DLGAP4: variants seen among roughly 807,000 people sequenced by gnomAD.
DLGAP4 encodes disks large-associated protein 4.
DLGAP4 carries 18 observed loss-of-function variants against 86.9 expected under a neutral mutation model. The observed-to-expected ratio is 0.21, with a 90% confidence interval of 0.14 to 0.31. The LOEUF (loss-of-function observed/expected upper bound fraction) is 0.31, where lower values mean the gene tolerates loss of function less well. Among genes scored for constraint, DLGAP4 ranks in the 10% least tolerant of loss-of-function variants. The pLI, the probability that DLGAP4 is intolerant of heterozygous loss-of-function variation, is 1.00. For synonymous variants in DLGAP4, 548 were observed against 574.3 expected, an observed-to-expected ratio of 0.95 and a Z score of 0.65; for missense variants, 1,085 against 1,362.6, an observed-to-expected ratio of 0.80 and a Z score of 3.21.
rs1355833263 is a variant in DLGAP4, at chr20:36,446,888, C to T, written c.1599C>T (p.Leu533=). ...QEEDSVSLQS[L]SPPPSTGSLS... ...AGGACAGTGTCTCCCTGCAGTCCCT[C>T]TCCCCACCGCCCAGTACCGGCAGCC... Residue 533 remains leucine, a synonymous_variant, in exon 7 of 13, where the codon CTC becomes CTT. Transcript: ENST00000339266. 4 of 1,613,142 alleles carry T rather than the reference C, an allele frequency of 2.5e-6. No homozygotes were observed. Among genetic ancestry groups the T allele is most frequent in the Admixed American group, 3.3e-5 (2 of 59,990 alleles).
At chr20:36,475,852 A>T (rs2034887607) in intron 7 of DLGAP4, among the ~76,000 whole-genome samples, 1 of 152,042 alleles carries the variant, frequency 6.6e-6, no homozygotes, top group Non-Finnish European at 1.5e-5. Flanking sequence ...CTTAATGACC[A>T]TCTTAACCTT....
intron 10 of DLGAP4, among the ~76,000 whole-genome samples, chr20:36,509,323 C>A (rs918722644): frequency 2.6e-5 from 4 of 152,116 alleles, no homozygotes; most frequent in African/African-American, 9.7e-5. Context: ...ATAATCCCAG[C>A]ACTTTGGGAG....
At chr20:36,410,662 C>T (rs568974722) in intron 2 of DLGAP4, among the ~76,000 whole-genome samples, 28 of 152,134 alleles carry the variant, frequency 1.8e-4, no homozygotes, top group African/African-American at 6.5e-4. Context: ...AGGGGAGGTG[C>T]CACACCCTTT....
chr20:36,331,534 T>G (rs889654457), intron 1 of DLGAP4, among the ~76,000 whole-genome samples: 1 of 152,226 alleles, frequency 6.6e-6, no homozygotes, highest in Admixed American at 6.5e-5. Flanking sequence ...AGCCTCAGCC[T>G]GGACTCACTC....
intron 2 of DLGAP4, among the ~76,000 whole-genome samples, chr20:36,371,460 C>T (rs764160165): frequency 3.3e-5 from 5 of 152,212 alleles, no homozygotes; most frequent in African/African-American, 1.2e-4. Flanking sequence ...GAAGATGAAC[C>T]GGTAGGAGAC....
In DLGAP4 at chr20:36,311,430, A is replaced by G. The variant is rs1338348243; in HGVS notation, c.-304+4918A>G. On this transcript the variant is annotated intron_variant, in intron 1 of 12. Transcript: ENST00000339266. ...CTGACGTGGCCTTTTCAAAAACCCA[A>G]AATGAATGGAAGCACATTTTGTTTG... 5.9e-5 allele frequency among the ~76,000 whole-genome samples: 9 copies of G among 152,274 alleles called. No individual in the cohort carries two copies. In the East Asian group the frequency reaches 7.7e-4, roughly 13 times the overall value.
chr20:36,435,221 A>C (rs892552405), intron 3 of DLGAP4, among the ~76,000 whole-genome samples: 1 of 152,008 alleles, frequency 6.6e-6, no homozygotes. Context: ...AGGCATGTTC[A>C]CTCTGTGCAC....
Position 36,401,256 on chromosome 20 carries a change from G to A in DLGAP4, c.-72-30390G>A, listed in dbSNP as rs1401196800. 2.0e-5 allele frequency among the ~76,000 whole-genome samples: 3 copies of A among 152,212 alleles called. No homozygotes were observed. In the East Asian group the frequency reaches 5.8e-4, roughly 29 times the overall value. ...AGATTTCATAGGCACATGAGAACGC[G>A]ATCCATCTTAAATGTCCTCTGCAAA... On this transcript the variant is annotated intron_variant, in intron 2 of 12. Coordinates refer to ENST00000339266, the MANE Select transcript of DLGAP4 (RefSeq NM_001365621.2).
intron 4 of DLGAP4, among the ~76,000 whole-genome samples, chr20:36,437,307 C>G (rs1201916290): frequency 1.3e-5 from 2 of 152,166 alleles, no homozygotes; most frequent in African/African-American, 4.8e-5. Flanking sequence ...ATCATGAAAG[C>G]CACACTCGGG....
rs1308417352 is a variant in DLGAP4 at position 36,308,505 on chromosome 20, G to A, written c.-304+1993G>A. On this transcript the variant is annotated intron_variant, in intron 1 of 12. Coordinates refer to ENST00000339266, the MANE Select transcript of DLGAP4 (RefSeq NM_001365621.2). This position sits in a 1 kb window ranked among gnomAD's most constrained non-coding sequence, Gnocchi z 4.5. Reference sequence around the variant, plus strand: ...CTGTGCCCCGGGCGTGAAGCTGCCTGGCAGCTGAGTTGGTGTTTTTGAAGG... The same window carrying A: ...CTGTGCCCCGGGCGTGAAGCTGCCTAGCAGCTGAGTTGGTGTTTTTGAAGG... 2.0e-5 allele frequency among the ~76,000 whole-genome samples: 3 copies of A among 152,216 alleles called. No homozygotes were observed. The highest frequency in any genetic ancestry group is 4.4e-5 in the Non-Finnish European group (3 of 68,036).
At chr20:36,518,398 CTTA>C (rs1427665572) in intron 10 of DLGAP4, among the ~76,000 whole-genome samples, 2 of 152,070 alleles carry the variant, frequency 1.3e-5, no homozygotes, top group Non-Finnish European at 2.9e-5. Context: ...TATTAATCCT[CTTA>C]TTTTTATTAA....
At chr20:36,502,373 T>C (rs1355945726) in intron 10 of DLGAP4, among the ~76,000 whole-genome samples, 1 of 152,214 alleles carries the variant, frequency 6.6e-6, no homozygotes, top group African/African-American at 2.4e-5. Flanking sequence ...TTAAGAGACA[T>C]GGCCTCACTC....
chr20:36,427,457 G>A (rs1314077443), intron 2 of DLGAP4, among the ~76,000 whole-genome samples: 1 of 145,256 alleles, frequency 6.9e-6, no homozygotes, highest in Non-Finnish European at 1.5e-5. Flanking sequence ...CAACCTGGGT[G>A]ACAGAGTGAG....
At chr20:36,320,671 G>T (rs1217149046) in intron 1 of DLGAP4, among the ~76,000 whole-genome samples, 1 of 152,140 alleles carries the variant, frequency 6.6e-6, no homozygotes, top group African/African-American at 2.4e-5. Context: ...AGCCACACCT[G>T]GTACCTGGAG....
chr20:36,413,846 G>A (rs1382120329), intron 2 of DLGAP4, among the ~76,000 whole-genome samples: 1 of 152,058 alleles, frequency 6.6e-6, no homozygotes, highest in East Asian at 1.9e-4. Flanking sequence ...CCTTCTTATG[G>A]CAGAATAATA....
At chr20:36,438,243 G>A (rs2033342391) in intron 4 of DLGAP4, among the ~76,000 whole-genome samples, 1 of 151,974 alleles carries the variant, frequency 6.6e-6, no homozygotes. Context: ...TTGTGGCGGT[G>A]CATGCCTATA....
intron 10 of DLGAP4, among the ~76,000 whole-genome samples, chr20:36,511,854 G>T (rs1205737682): frequency 6.9e-6 from 1 of 144,010 alleles, no homozygotes; most frequent in Non-Finnish European, 1.5e-5. Flanking sequence ...CAGCCTGGGC[G>T]ACAGAGGGAG....
intron 1 of DLGAP4, among the ~76,000 whole-genome samples, chr20:36,361,662 A>G (rs781975996): frequency 1.3e-5 from 2 of 152,038 alleles, no homozygotes; most frequent in Non-Finnish European, 2.9e-5. Flanking sequence ...TGAGGGATGT[A>G]TAGGAGGTTT....
intron 7 of DLGAP4, among the ~76,000 whole-genome samples, chr20:36,458,128 G>T (rs1191982964): frequency 6.6e-6 from 1 of 152,058 alleles, no homozygotes; most frequent in African/African-American, 2.4e-5. Flanking sequence ...ACCGACTGTG[G>T]AAACAACTTT....
Sources: gnomAD v4.1 joint callset for allele counts (sites outside exome capture counted in the v4.1 genomes callset) on GRCh38, gnomAD v4.1.1 for gene constraint, Gnocchi (gnomAD v3.1) non-coding constraint, MANE v1.5 for transcripts, NCBI Gene and HGNC (gene_info 2026-07-23, HGNC 2026-07-21) for gene names.